Variants in PIK3R3 observed in about 807,000 individuals in gnomAD.
PIK3R3 encodes phosphatidylinositol 3-kinase regulatory subunit gamma.
PIK3R3 carries 64 observed loss-of-function variants against 62.9 expected under a neutral mutation model. That is an observed-to-expected ratio of 1.02 (90% CI 0.83 to 1.25). The LOEUF (loss-of-function observed/expected upper bound fraction) is 1.25, where lower values mean the gene tolerates loss of function less well. Among genes scored for constraint, PIK3R3 ranks in the 50% most tolerant of loss-of-function variants. PIK3R3 has a pLI of 0.00. For synonymous variants in PIK3R3, 165 were observed against 189.0 expected (o/e 0.87, Z 1.04); for missense variants, 614 against 561.6 (o/e 1.09, Z -0.94).
upstream of PIK3R3, among the ~76,000 whole-genome samples, chr1:46,133,373 G>C (rs1017511353): frequency 6.6e-6 from 1 of 152,240 alleles, no homozygotes; most frequent in Non-Finnish European, 1.5e-5. Context: ...ACCTGCTGGC[G>C]TGAGACGCCT....
At chr1:46,114,896 T>C (rs957581849) in intron 1 of PIK3R3, among the ~76,000 whole-genome samples, 7 of 151,384 alleles carry the variant, frequency 4.6e-5, no homozygotes, top group African/African-American at 7.3e-5. Flanking sequence ...ATTACAGGCA[T>C]GAGCCACAGT....
In PIK3R3 at chr1:46,045,644, T is replaced by TTTTTTC. The variant is rs370501368; in HGVS notation, c.1187+273_1187+274insGAAAAA. Reference sequence around the variant, plus strand: ...TTTTTTTTTTTTTTTTTTTTTTTTTTCAATTTAAGATCTCACATTACCTTT... The same window carrying TTTTTTC: ...TTTTTTTTTTTTTTTTTTTTTTTTTTTTTTTCCAATTTAAGATCTCACATTACCTTT... On this transcript the variant is annotated intron_variant, in intron 9 of 9. Coordinates refer to ENST00000262741, the MANE Select transcript of PIK3R3 (RefSeq NM_003629.4). Among the ~76,000 whole-genome samples the TTTTTTC allele has an allele frequency of 4.5e-4, 37 of 82,674 alleles. 8 individuals are homozygous for TTTTTTC. The highest frequency in any genetic ancestry group is 1.3e-3 in the African/African-American group (27 of 21,280). 54.2% of individuals were successfully genotyped at this position (82,674 alleles called of 152,430 possible).
At chr1:46,086,699 GA>G (rs1361594986) in intron 1 of PIK3R3, among the ~76,000 whole-genome samples, 1 of 150,642 alleles carries the variant, frequency 6.6e-6, no homozygotes, top group Admixed American at 6.6e-5. Flanking sequence ...GACTGTCTAA[GA>G]AAAAAAAAGC....
At chr1:46,147,629 C>T in the PIK3R3 span, among the ~76,000 whole-genome samples, 13 of 149,372 alleles carry the variant, frequency 8.7e-5, no homozygotes, top group Non-Finnish European at 1.5e-4. Context: ...CTGTGTTAGC[C>T]GGGACGGTCT....
the PIK3R3 span, among the ~76,000 whole-genome samples, chr1:46,153,711 C>A: frequency 6.6e-6 from 1 of 152,192 alleles, no homozygotes; most frequent in Non-Finnish European, 1.5e-5. Context: ...CTGTACTCCC[C>A]CCAACTCACT....
At chr1:46,071,640 G>A (rs1463480841) in intron 3 of PIK3R3, among the ~76,000 whole-genome samples, 2 of 144,038 alleles carry the variant, frequency 1.4e-5, no homozygotes, top group South Asian at 2.2e-4. Context: ...GTTGCAATGA[G>A]CCAAGATTGC....
intron 2 of PIK3R3, among the ~76,000 whole-genome samples, chr1:46,078,011 G>A (rs1164565042): frequency 6.6e-6 from 1 of 152,146 alleles, no homozygotes; most frequent in Admixed American, 6.5e-5. Context: ...ACAGAAGGGG[G>A]AAAATTCACT....
chr1:46,071,734 G>T (rs71500095), intron 3 of PIK3R3, among the ~76,000 whole-genome samples: 20,991 of 41,662 alleles, frequency 0.5, 6,068 homozygotes, highest in East Asian at 0.62. Flanking sequence ...TATATATAGA[G>T]AGAGAGAGAG....
intron 3 of PIK3R3, among the ~76,000 whole-genome samples, chr1:46,077,312 T>C (rs1650153350): frequency 6.6e-6 from 1 of 152,202 alleles, no homozygotes; most frequent in Non-Finnish European, 1.5e-5. Flanking sequence ...CTTTCTACAT[T>C]TTTTTAAGTT....
intron 1 of PIK3R3, among the ~76,000 whole-genome samples, chr1:46,118,437 T>C (rs900287893): frequency 3.3e-5 from 5 of 152,140 alleles, no homozygotes; most frequent in African/African-American, 1.2e-4. Flanking sequence ...AGTACATCAC[T>C]GTTCAATACA....
At chr1:46,097,269 T>C (rs1348069792) in intron 1 of PIK3R3, among the ~76,000 whole-genome samples, 1 of 152,074 alleles carries the variant, frequency 6.6e-6, no homozygotes, top group Admixed American at 6.5e-5. Context: ...CCCTACCAGG[T>C]GCAGTAGCTC....
rs535459306 is a variant in PIK3R3 at position 46,074,172 on chromosome 1, C to T, written c.314+3343G>A. Among the ~76,000 whole-genome samples the T allele has an allele frequency of 1.0e-4, 15 of 150,062 alleles. 1 individual carries two copies. The highest frequency in any genetic ancestry group is 1.8e-4 in the Non-Finnish European group (12 of 67,522). On this transcript the variant is annotated intron_variant, in intron 3 of 9. Coordinates refer to ENST00000262741, the MANE Select transcript of PIK3R3 (RefSeq NM_003629.4). ...GGGCGTGGTGGCGGGCGCCTGTAGT[C>T]CCAGCTACTCAGCAGGCTGAGGCAG...
chr1:46,134,630 C>A (rs1655864006), upstream of PIK3R3: 1 of 152,190 alleles, frequency 6.6e-6, no homozygotes, highest in Non-Finnish European at 1.5e-5. Flanking sequence ...TTTGATAACT[C>A]AAAAGACAGA....
chr1:46,049,089 T>G (rs765418545), intron 7 of PIK3R3, among the ~76,000 whole-genome samples: 1 of 151,898 alleles, frequency 6.6e-6, no homozygotes, highest in African/African-American at 2.4e-5. Context: ...ATTAGATTTT[T>G]AGAAAAGATA....
At chr1:46,046,916 T>C (rs12407052) in intron 7 of PIK3R3, 16,461 of 476,556 alleles carry the variant, frequency 0.035, 406 homozygotes, top group Middle Eastern at 0.078. Context: ...AGCACACACA[T>C]ACTCGCACTC....
chr1:46,138,582 C>T, the PIK3R3 span, among the ~76,000 whole-genome samples: 1 of 152,202 alleles, frequency 6.6e-6, no homozygotes, highest in African/African-American at 2.4e-5. Flanking sequence ...ATCGCTTTAG[C>T]CCAGAAGGTC....
intron 1 of PIK3R3, among the ~76,000 whole-genome samples, chr1:46,090,427 G>A (rs1260796079): frequency 1.3e-5 from 2 of 152,034 alleles, no homozygotes; most frequent in African/African-American, 4.8e-5. Context: ...CACCTCCTAG[G>A]TTCAGGCGAT....
Position 46,041,619 on chromosome 1 carries a change from C to CA in PIK3R3, c.*2053dup, listed in dbSNP as rs1646998295. On this transcript the variant is annotated 3_prime_UTR_variant, in exon 10 of 10. Coordinates refer to ENST00000262741, the MANE Select transcript of PIK3R3 (RefSeq NM_003629.4). Reference sequence around the variant, plus strand: ...TTCCTTGCACGTAATCTTGAGCATCCACCTGCTTCAGCAGGTTCAACACCA... The same window carrying CA: ...TTCCTTGCACGTAATCTTGAGCATCCAACCTGCTTCAGCAGGTTCAACACCA... The CA allele has an allele frequency of 5.5e-6, 1 of 183,158 alleles. No homozygotes were observed. The highest frequency in any genetic ancestry group is 2.4e-5 in the African/African-American group (1 of 42,510). The allele number at this position is 183,158 out of a possible 1,614,324, so 11.3% of individuals were successfully genotyped here. A position where few individuals can be genotyped will look rare whatever the true frequency, so the allele number is the denominator to read the frequency against.
At position 46,043,702 on chromosome 1, in the gene PIK3R3, G is replaced by T; in HGVS notation, c.1357C>A (p.His453Asn). The change falls in exon 10 of 10, where the codon CAT becomes AAT. Residue 453 changes from histidine to asparagine, a missense_variant. Transcript: ENST00000262741. ...CTGCAAAGCGAGGGCATCTGTGCAT[G>T]AACAGGGTAGGCAAGCCTGACGTTG... Reference protein sequence around the residue: ...SLNVRLAYPVHAQMPSLCR With the variant: ...SLNVRLAYPVNAQMPSLCR 1 of 1,614,198 alleles carries T rather than the reference G, an allele frequency of 6.2e-7. No homozygotes were observed. The highest frequency in any genetic ancestry group is 1.1e-5 in the South Asian group (1 of 91,054).
Sources: allele counts gnomAD v4.1 joint callset (sites outside exome capture counted in the v4.1 genomes callset), GRCh38; gene constraint gnomAD v4.1.1; transcripts MANE v1.5; gene names NCBI Gene and HGNC (gene_info 2026-07-23, HGNC 2026-07-21).